The following RNF19A variants were observed in gnomAD, a reference collection of about 807,000 sequenced individuals.
RNF19A encodes E3 ubiquitin-protein ligase RNF19A.
RNF19A carries 32 observed loss-of-function variants against 75.7 expected under a neutral mutation model. The observed-to-expected ratio is 0.42, with a 90% CI of 0.32 to 0.57. The LOEUF (loss-of-function observed/expected upper bound fraction) is 0.57, where lower values mean the gene tolerates loss of function less well. Among genes scored for constraint, RNF19A ranks in the 20% least tolerant of loss-of-function variants. RNF19A has a pLI of 0.10. For synonymous variants in RNF19A, 335 were observed against 345.2 expected, an observed-to-expected ratio of 0.97 and a Z score of 0.33; for missense variants, 782 against 1,036.3, an observed-to-expected ratio of 0.75 and a Z score of 3.37.
chr8:100,321,887 G>A (rs993938606), intron 1 of RNF19A, among the ~76,000 whole-genome samples: 14 of 152,300 alleles, frequency 9.2e-5, no homozygotes, highest in Middle Eastern at 3.4e-3. Context: ...GTTCTTAACA[G>A]TGGCTTAAAA....
chr8:100,271,661 C>G (rs575308278), intron 3 of RNF19A, among the ~76,000 whole-genome samples: 2 of 152,270 alleles, frequency 1.3e-5, no homozygotes, highest in Admixed American at 1.3e-4. Context: ...ATTAATACCA[C>G]AAGCAATGTA....
At position 100,323,073 on chromosome 8, in the gene RNF19A, T is replaced by C. The variant is rs1056353794; in HGVS notation, c.-242-9701A>G. On this transcript the variant is annotated intron_variant, in intron 1 of 3. Coordinates refer to the RNF19A transcript ENST00000519527. The surrounding 1 kb of genome is among the most constrained non-coding windows in gnomAD (Gnocchi z 4.6). ...GCCAATAGACTCGCTGGTTGCAGGG[T>C]TGCCACAAACCTTCCATTTGTAAAC... Among the ~76,000 whole-genome samples the C allele has an allele frequency of 6.6e-6, 1 of 152,018 alleles. No individual in the cohort carries two copies. The highest frequency in any genetic ancestry group is 1.5e-5 in the Non-Finnish European group (1 of 68,012).
At chr8:100,327,242 CTTCTTTTTTTT>C (rs1253246748) in intron 1 of RNF19A, among the ~76,000 whole-genome samples, 1 of 100,780 alleles carries the variant, frequency 9.9e-6, no homozygotes, top group Admixed American at 9.6e-5. Flanking sequence ...TCAGCAATTA[CTTCTTTTTTTT>C]TTTTTTTTTT....
chr8:100,281,460 A>C (rs952938136), intron 2 of RNF19A, among the ~76,000 whole-genome samples: 2 of 152,204 alleles, frequency 1.3e-5, no homozygotes, highest in Non-Finnish European at 2.9e-5. Flanking sequence ...TCATAGTACT[A>C]TGTTTTATAA....
intron 1 of RNF19A, chr8:100,303,291 C>T (rs921364137): frequency 1.3e-5 from 2 of 152,216 alleles, no homozygotes; most frequent in Non-Finnish European, 2.9e-5. Context: ...TACATCACTC[C>T]AATCTCCGCC....
Position 100,259,051 on chromosome 8 carries a change from T to C in RNF19A, c.2022A>G (p.Lys674=). The part of the protein sequence containing the change: ...SKEATAGKKS[K]SGKLRKKGNM... ...TACCCTTTTTCCTCAGTTTACCACT[T>C]TTTGATTTTTTCCCTGCTGTTGCTT... The change falls in exon 10 of 10, where the codon AAA becomes AAG. Residue 674 remains lysine, a synonymous_variant. Transcript: ENST00000341084. The surrounding 1 kb of genome is among the most constrained non-coding windows in gnomAD (Gnocchi z 4.5). 6.2e-7 allele frequency: 1 copy of C among 1,614,192 alleles called. No individual in the cohort carries two copies. The highest frequency in any genetic ancestry group is 8.5e-7 in the Non-Finnish European group (1 of 1,180,032).
At chr8:100,271,362 G>C (rs568526095) in intron 3 of RNF19A, among the ~76,000 whole-genome samples, 1 of 152,216 alleles carries the variant, frequency 6.6e-6, no homozygotes, top group East Asian at 1.9e-4. Flanking sequence ...TTTAAACATT[G>C]GGGTATGACT....
At chr8:100,300,410 T>C (rs1255852274) in intron 1 of RNF19A, 1 of 152,122 alleles carries the variant, frequency 6.6e-6, no homozygotes. Flanking sequence ...TCCCAGCGCT[T>C]TGGGAGGACA....
At chr8:100,283,959 C>T (rs955398407) in intron 2 of RNF19A, among the ~76,000 whole-genome samples, 2 of 151,906 alleles carry the variant, frequency 1.3e-5, no homozygotes, top group Admixed American at 6.6e-5. Flanking sequence ...AAAGGGCGGT[C>T]CTCTGTGTGT....
In RNF19A at chr8:100,330,994, T is replaced by G. The variant is rs1384593118; in HGVS notation, c.-243+5114A>C. 6.6e-6 allele frequency among the ~76,000 whole-genome samples: 1 copy of G among 152,248 alleles called. No individual in the cohort carries two copies. The highest frequency in any genetic ancestry group is 1.5e-5 in the Non-Finnish European group (1 of 68,050). ...GAATCTTCTTTTCACTTCTAAATGC[T>G]TTTTGTTTCTGAGTCTTCCTTTCAC... On this transcript the variant is annotated intron_variant, in intron 1 of 3. Transcript: ENST00000519527. The surrounding 1 kb of genome is among the most constrained non-coding windows in gnomAD (Gnocchi z 4.1).
intron 3 of RNF19A, among the ~76,000 whole-genome samples, chr8:100,273,940 G>A (rs1480344241): frequency 4.6e-5 from 7 of 151,902 alleles, no homozygotes; most frequent in East Asian, 1.9e-4. Flanking sequence ...CCGCCACCAC[G>A]CCCAGCTAAT....
At chr8:100,298,687 A>G (rs988369126) in intron 1 of RNF19A, among the ~76,000 whole-genome samples, 1 of 152,194 alleles carries the variant, frequency 6.6e-6, no homozygotes. Context: ...GTTTAAGTCC[A>G]TATTTGATTG....
intron 1 of RNF19A, among the ~76,000 whole-genome samples, chr8:100,305,337 T>A (rs762974707): frequency 2.6e-5 from 4 of 152,236 alleles, no homozygotes; most frequent in Admixed American, 6.5e-5. Context: ...TATGCAATTC[T>A]GTATTTGGCC....
intron 2 of RNF19A, among the ~76,000 whole-genome samples, chr8:100,277,138 T>C (rs1298370787): frequency 6.6e-6 from 1 of 152,232 alleles, no homozygotes; most frequent in East Asian, 1.9e-4. Context: ...CTTTTGTAAA[T>C]ACTAAACATT....
chr8:100,276,059 A>G (rs1443521692), intron 2 of RNF19A, among the ~76,000 whole-genome samples: 1 of 152,158 alleles, frequency 6.6e-6, no homozygotes, highest in Non-Finnish European at 1.5e-5. Context: ...TATTTCTGAC[A>G]CTTTAAAAAC....
At chr8:100,315,448 C>G (rs576280750) in intron 1 of RNF19A, among the ~76,000 whole-genome samples, 2 of 152,168 alleles carry the variant, frequency 1.3e-5, no homozygotes, top group Non-Finnish European at 2.9e-5. Flanking sequence ...TTAGTCTCCA[C>G]CATCATTTCA....
At chr8:100,277,471 C>T (rs1317633424) in intron 2 of RNF19A, among the ~76,000 whole-genome samples, 1 of 152,128 alleles carries the variant, frequency 6.6e-6, no homozygotes, top group East Asian at 1.9e-4. Flanking sequence ...ACTACCACGC[C>T]CAGCTAATTT....
intron 1 of RNF19A, among the ~76,000 whole-genome samples, chr8:100,297,516 G>C (rs1480917159): frequency 2.0e-5 from 3 of 152,138 alleles, no homozygotes; most frequent in Non-Finnish European, 4.4e-5. Context: ...ATTAGTCCTG[G>C]CCAATGCAAT....
chr8:100,332,857 T>C lies in RNF19A; in HGVS notation c.-243+3251A>G, dbSNP rs1010658071. On this transcript the variant is annotated intron_variant, in intron 1 of 3. Transcript: ENST00000519527. The surrounding 1 kb of genome is among the most constrained non-coding windows in gnomAD (Gnocchi z 4.8). ...TAGGATGTTGACCATTATTGATTGG[T>C]ACAAGCTGTTTATATTTTGTGGAAA... Among the ~76,000 whole-genome samples, 2 of 152,246 alleles carry C rather than the reference T, an allele frequency of 1.3e-5. No individual in the cohort carries two copies. The highest frequency in any genetic ancestry group is 2.4e-5 in the African/African-American group (1 of 41,468).
Sources: gnomAD v4.1 joint callset for allele counts (sites outside exome capture counted in the v4.1 genomes callset) on GRCh38, gnomAD v4.1.1 for gene constraint, Gnocchi (gnomAD v3.1) non-coding constraint, MANE v1.5 for transcripts, NCBI Gene and HGNC (gene_info 2026-07-23, HGNC 2026-07-21) for gene names.